Variants in LRP5 observed in about 807,000 individuals in gnomAD.
LRP5 encodes the protein LDL receptor related protein 5, also known as low-density lipoprotein receptor-related protein 5.
Under a neutral mutation model 154.1 loss-of-function variants are expected in LRP5, and 62 were observed. That is an observed-to-expected ratio of 0.40 (90% confidence interval 0.33 to 0.50). LRP5 has a LOEUF of 0.50. Among genes scored for constraint, LRP5 ranks in the 20% least tolerant of loss-of-function variants. The pLI is 0.55. For synonymous variants in LRP5, 966 were observed against 1,011.5 expected (o/e 0.96, Z 0.85); for missense variants, 1,915 against 2,336.7 (o/e 0.82, Z 3.72).
rs141407040 is a variant in LRP5, at chr11:68,448,841, C to T, written c.4619C>T (p.Thr1540Met). 2.5e-4 allele frequency: 404 copies of T among 1,610,018 alleles called. 3 individuals are homozygous for T. The East Asian group carries it at 8.6e-3, about 34-fold the overall frequency. The change falls in exon 23 of 23, where the codon ACG becomes ATG. Residue 1540 changes from threonine (T) to methionine (M), a missense_variant. Around this residue, in one of 3 missense-constraint regions of LRP5, gnomAD observed 1,094 missense variants for 1,210.1 expected, o/e 0.90. Coordinates refer to ENST00000294304, the MANE Select transcript of LRP5 (RefSeq NM_002335.4). ...PYIIRGMAPP[T>M]TPCSTDVCDS... ...ATCATTCGAGGAATGGCGCCCCCGA[C>T]GACGCCCTGCAGCACCGACGTGTGT... is the stretch of plus-strand genomic sequence containing the variant.
intron 4 of LRP5, 115 bp from the exon 5 acceptor site, chr11:68,365,456 G>T: frequency 6.7e-7 from 1 of 1,496,060 alleles, no homozygotes; most frequent in Non-Finnish European, 9.2e-7. Context: ...GCCGATGTTT[G>T]GGCAGAGGGA....
upstream of LRP5, among the ~76,000 whole-genome samples, chr11:68,311,410 G>GC (rs562634876): frequency 6.6e-5 from 10 of 152,228 alleles, no homozygotes; most frequent in South Asian, 2.1e-3. Flanking sequence ...TTCCTGAACT[G>GC]CCCTCCCACC....
At chr11:68,382,775 C>T (rs1021262778) in intron 5 of LRP5, among the ~76,000 whole-genome samples, 1 of 152,144 alleles carries the variant, frequency 6.6e-6, no homozygotes, top group Non-Finnish European at 1.5e-5. Context: ...GTCCTTGGGC[C>T]GGGAGCCTAC....
chr11:68,308,817 C>T (rs897693727), upstream of LRP5, among the ~76,000 whole-genome samples: 19 of 150,120 alleles, frequency 1.3e-4, 1 homozygote, highest in East Asian at 2.6e-3. Context: ...GGCGTGATAT[C>T]GGCTCATTGC....
At chr11:68,352,163 G>A (rs967378929) in intron 2 of LRP5, among the ~76,000 whole-genome samples, 4 of 152,300 alleles carry the variant, frequency 2.6e-5, no homozygotes, top group Non-Finnish European at 4.4e-5. Context: ...GGATCCTGGC[G>A]ACAGAAAGCA....
At chr11:68,448,081 A>G (rs781074377) in intron 22 of LRP5, among the ~76,000 whole-genome samples, 2 of 152,208 alleles carry the variant, frequency 1.3e-5, no homozygotes, top group African/African-American at 2.4e-5. Context: ...GGTAGAAGAC[A>G]AGGAGGAGCA....
At position 68,376,094 on chromosome 11, in the gene LRP5, G is replaced by T. The variant is rs149107993; in HGVS notation, c.1016-10222G>T. ...AACGTTTCTTGGGGGCCACTGCAGC[G>T]GTCATGGTCCTGAGCCCTATACCCA... is the stretch of plus-strand genomic sequence containing the variant. On this transcript the variant is annotated intron_variant, in intron 5 of 22. Coordinates refer to ENST00000294304, the MANE Select transcript of LRP5 (RefSeq NM_002335.4). Among the ~76,000 whole-genome samples the T allele has an allele frequency of 3.7e-4, 56 of 152,202 alleles. No homozygotes were observed. In the East Asian group the frequency reaches 0.01, roughly 27 times the overall value.
intron 1 of LRP5, among the ~76,000 whole-genome samples, chr11:68,330,643 T>G (rs1424449012): frequency 1.3e-5 from 2 of 152,256 alleles, no homozygotes; most frequent in Non-Finnish European, 2.9e-5. Flanking sequence ...CAGAGACCTG[T>G]GGGTCCTTTA....
At chr11:68,437,599 A>C (rs1008675583) in intron 19 of LRP5, among the ~76,000 whole-genome samples, 1 of 152,258 alleles carries the variant, frequency 6.6e-6, no homozygotes, top group African/African-American at 2.4e-5. Context: ...GTCTGGGGAC[A>C]TGGCCACTCC....
chr11:68,379,293 C>G (rs1197548249), intron 5 of LRP5, among the ~76,000 whole-genome samples: 1 of 152,152 alleles, frequency 6.6e-6, no homozygotes, highest in Non-Finnish European at 1.5e-5. Flanking sequence ...TGGGTTGTCT[C>G]CAGGTTCTTG....
intron 21 of LRP5, chr11:68,445,554 T>C: frequency 7.7e-7 from 1 of 1,292,510 alleles, no homozygotes; most frequent in African/African-American, 1.5e-5. Context: ...CTGACAGTTC[T>C]GTTCCCATTA....
At chr11:68,355,815 G>GCT (rs1192907868) in intron 2 of LRP5, among the ~76,000 whole-genome samples, 10 of 152,148 alleles carry the variant, frequency 6.6e-5, no homozygotes, top group African/African-American at 2.4e-4. Context: ...TGCAGCTGCA[G>GCT]GTTCAGGGTC....
rs182526950 is a variant in LRP5 at position 68,447,470 on chromosome 11, G to A, written c.4586+937G>A. Among the ~76,000 whole-genome samples, 25 of 152,200 alleles carry A rather than the reference G, an allele frequency of 1.6e-4. No individual in the cohort carries two copies. The highest frequency in any genetic ancestry group is 4.3e-4 in the African/African-American group (18 of 41,530). ...GCAGCCTCCATTTCCACCCCACTCCGGGTCGGGCCACCTCCCTGATGCCTC... is the reference window on the plus strand; with the variant it reads ...GCAGCCTCCATTTCCACCCCACTCCAGGTCGGGCCACCTCCCTGATGCCTC... On this transcript the variant is annotated intron_variant, in intron 22 of 22. Coordinates refer to ENST00000294304, the MANE Select transcript of LRP5 (RefSeq NM_002335.4). The surrounding 1 kb of genome is among the most constrained non-coding windows in gnomAD (Gnocchi z 4.3).
Position 68,448,837 on chromosome 11 carries a change from C to A in LRP5, c.4615C>A (p.Pro1539Thr). 1 of 1,609,436 alleles carries A rather than the reference C, an allele frequency of 6.2e-7. No homozygotes were observed. Among genetic ancestry groups the A allele is most frequent in the Non-Finnish European group, 8.5e-7 (1 of 1,179,996 alleles). ...RPYIIRGMAP[P>T]TTPCSTDVCD... ...CTACATCATTCGAGGAATGGCGCCCCCGACGACGCCCTGCAGCACCGACGT... is the reference window on the plus strand; with the variant it reads ...CTACATCATTCGAGGAATGGCGCCCACGACGACGCCCTGCAGCACCGACGT... The change falls in exon 23 of 23, where the codon CCG becomes ACG. Residue 1539 changes from proline (P) to threonine (T), a missense_variant. Transcript: ENST00000294304.
At chr11:68,392,140 C>T (rs1227561040) in intron 7 of LRP5, among the ~76,000 whole-genome samples, 1 of 152,198 alleles carries the variant, frequency 6.6e-6, no homozygotes, top group Non-Finnish European at 1.5e-5. Flanking sequence ...TCAGCCGTCA[C>T]ACGCAGCTCA....
chr11:68,410,688 G>C (rs1207587500), intron 10 of LRP5, among the ~76,000 whole-genome samples: 1 of 152,164 alleles, frequency 6.6e-6, no homozygotes, highest in African/African-American at 2.4e-5. Flanking sequence ...GCTGCCAGGC[G>C]TCCTGGGGGC....
chr11:68,324,465 C>CA (rs1172043175), intron 1 of LRP5, among the ~76,000 whole-genome samples: 4 of 152,190 alleles, frequency 2.6e-5, no homozygotes, highest in Non-Finnish European at 5.9e-5. Flanking sequence ...AGAGCCATGG[C>CA]TGGCCGAGGG....
chr11:68,304,134 GC>G, the LRP5 span, among the ~76,000 whole-genome samples: 2 of 152,192 alleles, frequency 1.3e-5, no homozygotes, highest in African/African-American at 4.8e-5. Context: ...CCCATCACAG[GC>G]CCAGAGGATG....
chr11:68,435,834 T>C (rs2098674567), intron 18 of LRP5, among the ~76,000 whole-genome samples: 1 of 152,176 alleles, frequency 6.6e-6, no homozygotes, highest in Non-Finnish European at 1.5e-5. Flanking sequence ...CAAGCGATTC[T>C]CCTGTATCAG....
Sources: gnomAD v4.1 joint callset for allele counts (sites outside exome capture counted in the v4.1 genomes callset) on GRCh38, gnomAD v4.1.1 for gene constraint, gnomAD v4.1.1 regional missense constraint, Gnocchi (gnomAD v3.1) non-coding constraint, MANE v1.5 for transcripts, NCBI Gene and HGNC (gene_info 2026-07-23, HGNC 2026-07-21) for gene names.